POTEF: variants seen among roughly 807,000 people sequenced by gnomAD.
The protein encoded by POTEF is ANKRD26-like family C member 1B.
In POTEF, 20 loss-of-function variants were observed where a neutral mutation model predicts 83.2. That is an observed-to-expected ratio of 0.24 (90% CI 0.17 to 0.35). The LOEUF is 0.35. Among genes scored for constraint, POTEF ranks in the 10% least tolerant of loss-of-function variants. The pLI is 1.00. For synonymous variants in POTEF, 196 were observed against 446.4 expected (o/e 0.44, Z 7.07); for missense variants, 550 against 1,203.2 (o/e 0.46, Z 8.03).
intron 16 of POTEF, among the ~76,000 whole-genome samples, chr2:130,075,837 G>A (rs575875445): frequency 6.1e-5 from 9 of 146,880 alleles, no homozygotes; most frequent in South Asian, 2.2e-4. Flanking sequence ...ATTTAAAGAC[G>A]ATGAAAAATA....
intron 5 of POTEF, among the ~76,000 whole-genome samples, chr2:130,113,846 A>AT (rs1474781752): frequency 6.6e-6 from 1 of 151,450 alleles, no homozygotes; most frequent in Non-Finnish European, 1.5e-5. Flanking sequence ...CACATGACCA[A>AT]TTCCCTTTCT....
chr2:130,128,311 C>T (rs534636818), intron 1 of POTEF, among the ~76,000 whole-genome samples: 58 of 151,896 alleles, frequency 3.8e-4, no homozygotes, highest in South Asian at 2.1e-3. Flanking sequence ...GGTGTGGGGG[C>T]CCTGCCCTGC....
At chr2:130,121,134 C>T (rs897579835) in intron 2 of POTEF, among the ~76,000 whole-genome samples, 5 of 151,558 alleles carry the variant, frequency 3.3e-5, no homozygotes, top group African/African-American at 4.9e-5. Flanking sequence ...CGTGCGCGTG[C>T]GCGTGCGGCG....
chr2:130,095,901 GTCT>G (rs1186205001), intron 11 of POTEF, among the ~76,000 whole-genome samples: 1 of 8,830 alleles, frequency 1.1e-4, no homozygotes, highest in Non-Finnish European at 1.8e-4. Context: ...TTTACCCTTT[GTCT>G]TCTTCTTCTT....
intron 1 of POTEF, among the ~76,000 whole-genome samples, chr2:130,128,582 G>A (rs1441112517): frequency 3.0e-5 from 4 of 131,502 alleles, no homozygotes; most frequent in African/African-American, 1.2e-4. Flanking sequence ...AGGCAGTGTA[G>A]CACCCGATAG....
intron 1 of POTEF, 92 bp from the exon 2 acceptor site, chr2:130,127,956 A>ACACC (rs1685139811): frequency 8.5e-6 from 1 of 117,898 alleles, no homozygotes; most frequent in Non-Finnish European, 1.8e-5. Context: ...TAAGGCACTC[A>ACACC]GACCCACCCA....
chr2:130,116,223 G>T (rs1260087467), intron 3 of POTEF, among the ~76,000 whole-genome samples: 10 of 150,522 alleles, frequency 6.6e-5, no homozygotes, highest in South Asian at 2.1e-4. Flanking sequence ...GCTCATTTTT[G>T]TCAATACTTA....
Position 130,120,026 on chromosome 2 carries a change from T to C in POTEF, c.490A>G (p.Thr164Ala). ...RKDLIVMLRD[T>A]DVNKQDKQKR... is the part of the protein sequence containing the mutation. ...TGCTTGTCCTGCTTGTTCACGTCAG[T>C]GTCCCTGAGCATGACGATGAGATCC... The change falls in exon 3 of 17, where the codon ACT (threonine) becomes GCT (alanine). Residue 164 changes from threonine (T) to alanine (A), a missense_variant. Physicochemically the swap from Thr to Ala is moderately conservative, Grantham distance 58 (BLOSUM62 0). Coordinates refer to ENST00000409914, the MANE Select transcript of POTEF (RefSeq NM_001099771.2). 1 of 1,304,344 alleles carries C rather than the reference T, an allele frequency of 7.7e-7. No homozygotes were observed. Among genetic ancestry groups the C allele is most frequent in the Admixed American group, 2.0e-5 (1 of 49,992 alleles). 80.8% of individuals were successfully genotyped at this position (1,304,344 alleles called of 1,614,324 possible).
chr2:130,112,207 G>A, intron 5 of POTEF, 106 bp from the exon 6 acceptor site: 1 of 1,256,908 alleles, frequency 8.0e-7, no homozygotes, highest in South Asian at 1.4e-5. Flanking sequence ...ACGCATAGAA[G>A]TAAATAAAAT....
chr2:130,113,886 G>A lies in POTEF; in HGVS notation c.810+995C>T, dbSNP rs563971789. Among the ~76,000 whole-genome samples, 103 of 151,614 alleles carry A rather than the reference G, an allele frequency of 6.8e-4. 4 individuals carry two copies. The South Asian group carries it at 0.019, about 28-fold the overall frequency. ...TGAAGATTTGGCCAAAAAGAGTAAG[G>A]AGTAGGAGAGAGACCCATTTGCTGA... On this transcript the variant is annotated intron_variant, in intron 5 of 16. Transcript: ENST00000409914.
chr2:130,121,029 A>C (rs1684989897), intron 2 of POTEF, among the ~76,000 whole-genome samples: 1 of 150,568 alleles, frequency 6.6e-6, no homozygotes, highest in Non-Finnish European at 1.5e-5. Flanking sequence ...TGCGCGTGCA[A>C]GCCGTTACAG....
intron 13 of POTEF, among the ~76,000 whole-genome samples, chr2:130,087,679 G>A (rs1463400256): frequency 9.5e-6 from 1 of 105,204 alleles, no homozygotes; most frequent in Admixed American, 9.8e-5. Context: ...TGTCACCCAG[G>A]CTGGAGTGTA....
At position 130,075,258 on chromosome 2, in the gene POTEF, G is replaced by T. The variant is rs1190617694; in HGVS notation, c.2214C>A (p.Pro738=). The part of the protein sequence containing the change: ...RAVFPSIVGR[P]RQQGMMGGMH... ...TGCCCCCCATCATGCCCTGCTGCCT[G>T]GGGCGCCCCACGATGGAAGGGAAGA... Residue 738 remains proline (P), a synonymous_variant, in exon 17 of 17, where the codon CCC becomes CCA. Coordinates refer to ENST00000409914, the MANE Select transcript of POTEF (RefSeq NM_001099771.2). 6.2e-7 allele frequency: 1 copy of T among 1,612,448 alleles called. No individual in the cohort carries two copies. The highest frequency in any genetic ancestry group is 1.7e-5 in the Admixed American group (1 of 59,920).
chr2:130,114,982 C>A lies in POTEF; in HGVS notation c.709G>T (p.Glu237Ter). Residue 237 changes from glutamate to a stop codon, truncating the protein, a stop_gained, in exon 5 of 17, where the codon GAG (glutamate) becomes TAG (stop). Coordinates refer to ENST00000409914, the MANE Select transcript of POTEF (RefSeq NM_001099771.2). LOFTEE classifies it high-confidence loss of function. ...EHGTDPNIPDEYGNTTLHYAI... is the reference protein window; with the variant it reads ...EHGTDPNIPD ...TAGTGCAGAGTGGTATTTCCATACT[C>A]ATCTGGAATATTTGGATCAGTGCCA... The A allele has an allele frequency of 6.5e-7, 1 of 1,531,304 alleles. No individual in the cohort carries two copies. The highest frequency in any genetic ancestry group is 8.8e-7 in the Non-Finnish European group (1 of 1,134,312). 94.9% of individuals were successfully genotyped at this position (1,531,304 alleles called of 1,614,324 possible).
intron 8 of POTEF, among the ~76,000 whole-genome samples, chr2:130,103,693 C>T (rs543466282): frequency 2.0e-5 from 3 of 150,726 alleles, no homozygotes; most frequent in South Asian, 2.1e-4. Flanking sequence ...TAAAATAAAG[C>T]ATGTCAGGGA....
chr2:130,087,592 TTGC>T (rs1250407184), intron 13 of POTEF, among the ~76,000 whole-genome samples: 1 of 98,804 alleles, frequency 1.0e-5, no homozygotes, highest in African/African-American at 4.4e-5. Context: ...GTTAATAAGG[TTGC>T]TGATTTTATT....
At chr2:130,128,933 T>C in intron 1 of POTEF, 139 bp downstream of exon 1, 1 of 70,322 alleles carries the variant, frequency 1.4e-5, no homozygotes, top group African/African-American at 6.6e-5. Context: ...ACCGCCCCCC[T>C]CCACCGCCAG....
At position 130,074,426 on chromosome 2, in the gene POTEF, CCTT is replaced by C. The variant is rs1243491487; in HGVS notation, c.3043_3045del (p.Lys1015del). On this transcript the variant is annotated inframe_deletion, in exon 17 of 17. Transcript: ENST00000409914. ...ATGCTAGGCGCCAGGGCAGCGATCT[CCTT>C]CTGCATTCTGTGGGCCATGCCAGGG... 3 of 1,565,158 alleles carry C rather than the reference CCTT, an allele frequency of 1.9e-6. No homozygotes were observed. The highest frequency in any genetic ancestry group is 2.6e-6 in the Non-Finnish European group (3 of 1,146,456).
At chr2:130,121,034 T>C (rs1017425707) in intron 2 of POTEF, among the ~76,000 whole-genome samples, 1 of 150,144 alleles carries the variant, frequency 6.7e-6, no homozygotes, top group Non-Finnish European at 1.5e-5. Context: ...GTGCAAGCCG[T>C]TACAGGCCGG....
Sources: gnomAD v4.1 joint callset for allele counts (sites outside exome capture counted in the v4.1 genomes callset) on GRCh38, gnomAD v4.1.1 for gene constraint, MANE v1.5 for transcripts, NCBI Gene and HGNC (gene_info 2026-07-23, HGNC 2026-07-21) for gene names.